Variants in DMBX1 observed in about 807,000 individuals in gnomAD.
The protein encoded by DMBX1 is diencephalon/mesencephalon homeobox protein 1.
A neutral mutation model predicts 30.4 loss-of-function variants in DMBX1; 7 were observed. The observed-to-expected ratio is 0.23, with a 90% CI of 0.13 to 0.43. DMBX1 has a LOEUF of 0.43. Among genes scored for constraint, DMBX1 ranks in the 20% least tolerant of loss-of-function variants. The pLI is 1.00. For missense variants in DMBX1, 460 were observed against 508.5 expected, an observed-to-expected ratio of 0.90 and a Z score of 0.92; for synonymous variants, 222 against 214.2, an observed-to-expected ratio of 1.04 and a Z score of -0.32.
Position 46,507,082 on chromosome 1 carries a change from C to G in DMBX1, c.72C>G (p.His24Gln). 6.2e-7 allele frequency: 1 copy of G among 1,614,252 alleles called. No individual in the cohort carries two copies. Among genetic ancestry groups the G allele is most frequent in the Non-Finnish European group, 8.5e-7 (1 of 1,180,048 alleles). Residue 24 changes from histidine to glutamine, a missense_variant, in exon 3 of 6, where the codon CAC becomes CAG. His to Gln is a conservative substitution (Grantham distance 24). This residue lies in a region of DMBX1 where 124 missense variants were observed against 144.0 expected (regional missense o/e 0.86). Coordinates refer to ENST00000360032, the MANE Select transcript of DMBX1 (RefSeq NM_172225.2). ...CACTCAGCGCCATGTACAACCTGCA[C>G]CAGCAGGCAGCCCAGCAGGCCCAGC... is the stretch of plus-strand genomic sequence containing the variant. ...MNSLSAMYNL[H>Q]QQAAQQAQHA...
At chr1:46,501,192 C>CCCTTCTTT (rs1666119195) in intron 2 of DMBX1, among the ~76,000 whole-genome samples, 8 of 67,840 alleles carry the variant, frequency 1.2e-4, no homozygotes, top group African/African-American at 5.8e-4. Flanking sequence ...TTCTTTCTCT[C>CCCTTCTTT]CCTTCCTTCC....
At position 46,510,881 on chromosome 1, in the gene DMBX1, C is replaced by T; in HGVS notation, c.334-54C>T. 1.3e-6 allele frequency: 2 copies of T among 1,510,718 alleles called. No individual in the cohort carries two copies. Among genetic ancestry groups the T allele is most frequent in the South Asian group, 2.6e-5 (2 of 75,850 alleles). The allele number at this position is 1,510,718 out of a possible 1,614,324, so 93.6% of individuals were successfully genotyped here. A position where few individuals can be genotyped will look rare whatever the true frequency, so the allele number is the denominator to read the frequency against. ...TCCTCTCCCAGAGCACCCTGCTCCACACCAACCCCACTTCTTTCTTGCCCA... is the reference window on the plus strand; with the variant it reads ...TCCTCTCCCAGAGCACCCTGCTCCATACCAACCCCACTTCTTTCTTGCCCA... On this transcript the variant is annotated intron_variant, in intron 4 of 5. Transcript: ENST00000360032. This position sits in a 1 kb window ranked among gnomAD's most constrained non-coding sequence, Gnocchi z 4.1.
At chr1:46,508,736 A>G (rs918438642) in intron 3 of DMBX1, among the ~76,000 whole-genome samples, 12 of 152,272 alleles carry the variant, frequency 7.9e-5, no homozygotes, top group Admixed American at 2.0e-4. Context: ...GAGCCTTTGT[A>G]TGGAGGCCTT....
chr1:46,501,214 CT>C (rs879595767), intron 2 of DMBX1, among the ~76,000 whole-genome samples: 19,886 of 78,392 alleles, frequency 0.25, 2,239 homozygotes, highest in South Asian at 0.31. Flanking sequence ...TCCTTCCTTC[CT>C]TTCTTTCTTT....
rs1666248612 is a variant in DMBX1 at position 46,507,018 on chromosome 1, A to C, written c.8A>C (p.His3Pro). Residue 3 changes from histidine (H) to proline (P), a missense_variant, in exon 3 of 6, where the codon CAC (histidine) becomes CCC (proline). His to Pro is a moderately conservative substitution (Grantham distance 77). Coordinates refer to ENST00000360032, the MANE Select transcript of DMBX1 (RefSeq NM_172225.2). MQ[H>P]YGVNGYSLHA... ...CTGTAGGCGGATGCCGCCATGCAGC[A>C]CTACGGGGTGAACGGCTACTCACTG... The C allele has an allele frequency of 6.2e-7, 1 of 1,614,206 alleles. No individual in the cohort carries two copies. The highest frequency in any genetic ancestry group is 1.1e-5 in the South Asian group (1 of 91,088).
rs940216547 is a variant in DMBX1 at position 46,507,147 on chromosome 1, T to C, written c.137T>C (p.Leu46Ser). ...DYRPSVHALT[L>S]AERLADIILE... ...CGGCCTTCAGTGCATGCGCTTACATTGGCTGAGCGCCTGGCTGGTAAGGGC... is the reference window on the plus strand; with the variant it reads ...CGGCCTTCAGTGCATGCGCTTACATCGGCTGAGCGCCTGGCTGGTAAGGGC... Residue 46 changes from leucine to serine, a missense_variant, in exon 3 of 6, where the codon TTG (leucine) becomes TCG (serine). Leu to Ser is a moderately radical substitution (Grantham distance 145). Coordinates refer to ENST00000360032, the MANE Select transcript of DMBX1 (RefSeq NM_172225.2). The C allele has an allele frequency of 6.2e-7, 1 of 1,614,106 alleles. No homozygotes were observed. Among genetic ancestry groups the C allele is most frequent in the Non-Finnish European group, 8.5e-7 (1 of 1,180,016 alleles).
intron 2 of DMBX1, among the ~76,000 whole-genome samples, chr1:46,499,076 C>G (rs1237607845): frequency 1.3e-5 from 2 of 151,344 alleles, no homozygotes; most frequent in Non-Finnish European, 2.9e-5. Flanking sequence ...GAGTCTCACT[C>G]TGTCACCCAG....
chr1:46,511,999 T>G (rs1314907679), intron 5 of DMBX1, 44 bp from the exon 6 acceptor site: 2 of 1,563,876 alleles, frequency 1.3e-6, no homozygotes, highest in Admixed American at 3.5e-5. Flanking sequence ...GGCAGACCAA[T>G]GCCCTTGTCC....
In DMBX1 at chr1:46,512,186, G is replaced by T. The variant is rs2148492204; in HGVS notation, c.826G>T (p.Val276Leu). Residue 276 changes from valine (V) to leucine (L), a missense_variant, in exon 6 of 6, where the codon GTG becomes TTG. By Grantham distance (32) the Val-to-Leu change is conservative (BLOSUM62 1). This residue lies in a region of DMBX1 where 334 missense variants were observed against 345.1 expected (regional missense o/e 0.97). Coordinates refer to ENST00000360032, the MANE Select transcript of DMBX1 (RefSeq NM_172225.2). The surrounding 1 kb of genome is among the most constrained non-coding windows in gnomAD (Gnocchi z 4.8). ...GCACATGGCGGCCACCAACAACCTG[G>T]TGCACTACTCGTCCTTCGAAGTAGG... Reference protein sequence around the residue: ...RQHMAATNNLVHYSSFEVGGP... With the variant: ...RQHMAATNNLLHYSSFEVGGP... The T allele has an allele frequency of 6.2e-7, 1 of 1,614,046 alleles. No homozygotes were observed. The highest frequency in any genetic ancestry group is 2.2e-5 in the East Asian group (1 of 44,868).
intron 2 of DMBX1, among the ~76,000 whole-genome samples, chr1:46,497,679 CT>C (rs777589041): frequency 6.6e-6 from 1 of 152,176 alleles, no homozygotes; most frequent in Non-Finnish European, 1.5e-5. Flanking sequence ...AAAATGCCCC[CT>C]AATAAAATTC....
At chr1:46,492,446 T>C (rs1385587058) in intron 2 of DMBX1, among the ~76,000 whole-genome samples, 2 of 151,936 alleles carry the variant, frequency 1.3e-5, no homozygotes, top group African/African-American at 2.4e-5. Flanking sequence ...GCTCTGGGAG[T>C]GTACAGCCTA....
chr1:46,492,248 T>C (rs760381695), intron 2 of DMBX1, among the ~76,000 whole-genome samples: 1 of 151,950 alleles, frequency 6.6e-6, no homozygotes, highest in Non-Finnish European at 1.5e-5. Flanking sequence ...ATCGGGTGAG[T>C]GTCTGGAGGA....
rs1665981327 is a variant in DMBX1, at chr1:46,493,982, T to C, written c.-13+3199T>C. On this transcript the variant is annotated intron_variant, in intron 2 of 5. Transcript: ENST00000360032. The surrounding 1 kb of genome is among the most constrained non-coding windows in gnomAD (Gnocchi z 4.1). Reference sequence around the variant, plus strand: ...TCCCTGACAGACTTTGGGCCAAGGCTAACTGAGCAGGCAGGGCCACCACTT... The same window carrying C: ...TCCCTGACAGACTTTGGGCCAAGGCCAACTGAGCAGGCAGGGCCACCACTT... Among the ~76,000 whole-genome samples the C allele has an allele frequency of 6.6e-6, 1 of 152,224 alleles. No individual in the cohort carries two copies. The highest frequency in any genetic ancestry group is 2.4e-5 in the African/African-American group (1 of 41,470).
At chr1:46,495,613 T>A (rs1202696908) in intron 2 of DMBX1, among the ~76,000 whole-genome samples, 1 of 152,242 alleles carries the variant, frequency 6.6e-6, no homozygotes, top group Non-Finnish European at 1.5e-5. Flanking sequence ...AACTACAATT[T>A]GGTAAGGATA....
intron 2 of DMBX1, 147 bp from the exon 3 acceptor site, chr1:46,506,852 C>G (rs1177526190): frequency 2.4e-6 from 2 of 841,668 alleles, no homozygotes; most frequent in Non-Finnish European, 3.7e-6. Flanking sequence ...ACACGGTAAG[C>G]CACGGGCAAG....
At position 46,515,538 on chromosome 1, in the gene DMBX1, A is replaced by C. The variant is rs934963746; in HGVS notation, c.*3044A>C. 6.6e-6 allele frequency among the ~76,000 whole-genome samples: 1 copy of C among 152,218 alleles called. No individual in the cohort carries two copies. Among genetic ancestry groups the C allele is most frequent in the African/African-American group, 2.4e-5 (1 of 41,466 alleles). On this transcript the variant is annotated 3_prime_UTR_variant, in exon 6 of 6. Coordinates refer to ENST00000360032, the MANE Select transcript of DMBX1 (RefSeq NM_172225.2). ...TTGACCCAAATCTGCCAGAGAAGGC[A>C]GGGAAGGTACATGTGGTCCCTGCCC...
chr1:46,509,971 T>C (rs1044980079), intron 3 of DMBX1, among the ~76,000 whole-genome samples: 14 of 152,162 alleles, frequency 9.2e-5, no homozygotes, highest in Non-Finnish European at 4.4e-5. Context: ...GTCTGCCTAG[T>C]CAGTCCTCCC....
chr1:46,511,383 C>T (rs1339193906), intron 5 of DMBX1, 100 bp downstream of exon 5: 16 of 1,267,954 alleles, frequency 1.3e-5, no homozygotes, highest in South Asian at 4.9e-5. Flanking sequence ...AGGGGCATGG[C>T]GCATCAGAAA....
At chr1:46,504,691 G>A (rs1457463666) in intron 2 of DMBX1, among the ~76,000 whole-genome samples, 5 of 150,720 alleles carry the variant, frequency 3.3e-5, no homozygotes, top group East Asian at 1.9e-4. Flanking sequence ...TTGACTTGGC[G>A]ATGTGGGCTC....
Sources: gnomAD v4.1 joint callset for allele counts (sites outside exome capture counted in the v4.1 genomes callset) on GRCh38, gnomAD v4.1.1 for gene constraint, gnomAD v4.1.1 regional missense constraint, Gnocchi (gnomAD v3.1) non-coding constraint, MANE v1.5 for transcripts, NCBI Gene and HGNC (gene_info 2026-07-23, HGNC 2026-07-21) for gene names.